The following ELAVL4 variants were observed in gnomAD, a reference collection of about 807,000 sequenced individuals.
The protein encoded by ELAVL4 is ELAV like RNA binding protein 4.
Under a neutral mutation model 35.6 loss-of-function variants are expected in ELAVL4, and 1 was observed. The observed-to-expected ratio is 0.03, with a 90% CI of 0.01 to 0.13. The LOEUF (loss-of-function observed/expected upper bound fraction) is 0.13, where lower values mean the gene tolerates loss of function less well. Ranked by LOEUF, ELAVL4 falls within the 10% of genes least tolerant of loss-of-function variation. ELAVL4 has a pLI of 1.00. For missense variants in ELAVL4, 267 were observed against 464.9 expected (o/e 0.57, Z 3.91); for synonymous variants, 156 against 171.0 (o/e 0.91, Z 0.69).
chr1:50,086,520 T>C (rs1169727582), intron 1 of ELAVL4, among the ~76,000 whole-genome samples: 1 of 151,202 alleles, frequency 6.6e-6, no homozygotes, highest in Non-Finnish European at 1.5e-5. Context: ...CTCTGCCTCC[T>C]GGAATAGTAT....
chr1:50,072,317 G>A (rs190278052), intron 1 of ELAVL4, among the ~76,000 whole-genome samples: 245 of 152,280 alleles, frequency 1.6e-3, no homozygotes, highest in Non-Finnish European at 2.9e-3. Context: ...AGACACTGTG[G>A]CCAAAAACTA....
intron 3 of ELAVL4, among the ~76,000 whole-genome samples, chr1:50,181,741 T>C (rs763463167): frequency 2.0e-5 from 3 of 152,202 alleles, no homozygotes; most frequent in Admixed American, 1.3e-4. Context: ...TGGAACGCAA[T>C]GGTGCGATCT....
At chr1:50,188,095 A>T (rs187386218) in intron 3 of ELAVL4, among the ~76,000 whole-genome samples, 30 of 149,162 alleles carry the variant, frequency 2.0e-4, no homozygotes, top group Admixed American at 6.0e-4. Flanking sequence ...ACTTGGTCTC[A>T]AAAAAAAAAA....
At chr1:50,111,820 C>G (rs1261747971) in intron 1 of ELAVL4, among the ~76,000 whole-genome samples, 3 of 152,054 alleles carry the variant, frequency 2.0e-5, no homozygotes, top group African/African-American at 7.2e-5. Context: ...CTAATAGTCT[C>G]TTTTTCTCAT....
At chr1:50,079,010 T>G (rs1664886899) in intron 1 of ELAVL4, among the ~76,000 whole-genome samples, 1 of 152,210 alleles carries the variant, frequency 6.6e-6, no homozygotes, top group African/African-American at 2.4e-5. Flanking sequence ...TTCTAGTTAT[T>G]ATCCATCTCT....
At chr1:50,156,415 C>G (rs1200337901) in intron 2 of ELAVL4, among the ~76,000 whole-genome samples, 1 of 152,122 alleles carries the variant, frequency 6.6e-6, no homozygotes, top group Admixed American at 6.5e-5. Flanking sequence ...AACTCCTAAC[C>G]ACTTCTCATC....
chr1:50,110,086 C>G, intron 1 of ELAVL4: 1 of 1,284,302 alleles, frequency 7.8e-7, no homozygotes, highest in South Asian at 1.3e-5. Context: ...CTGTGCTGAT[C>G]GTTTGTGTGT....
At chr1:50,118,878 G>C (rs957231105) in intron 1 of ELAVL4, among the ~76,000 whole-genome samples, 4 of 149,388 alleles carry the variant, frequency 2.7e-5, no homozygotes, top group African/African-American at 9.9e-5. Context: ...CTTAAAGTAG[G>C]GGAAGGGGTT....
intron 5 of ELAVL4, among the ~76,000 whole-genome samples, 178 bp downstream of exon 5, chr1:50,195,964 C>A (rs1050213044): frequency 1.3e-5 from 2 of 152,190 alleles, no homozygotes; most frequent in African/African-American, 4.8e-5. Context: ...ACAGTTGGAG[C>A]AGATGCCCTT....
intron 3 of ELAVL4, chr1:50,179,774 A>G (rs1056949194): frequency 1.3e-5 from 2 of 152,186 alleles, no homozygotes; most frequent in Non-Finnish European, 2.9e-5. Context: ...TCTACTTTAA[A>G]TGTTATGCAC....
chr1:50,163,624 G>A (rs1387032367), intron 2 of ELAVL4, among the ~76,000 whole-genome samples: 3 of 152,108 alleles, frequency 2.0e-5, no homozygotes, highest in African/African-American at 7.2e-5. Flanking sequence ...CCAGAAGTTC[G>A]AGACCAGCCT....
chr1:50,103,778 C>A, upstream of ELAVL4: 1 of 731,088 alleles, frequency 1.4e-6, no homozygotes, highest in Non-Finnish European at 2.2e-6. Context: ...ATGTGAGTGT[C>A]TGTTCACTCT....
chr1:50,166,678 T>C (rs1677983182), intron 2 of ELAVL4, among the ~76,000 whole-genome samples: 1 of 152,204 alleles, frequency 6.6e-6, no homozygotes, highest in Non-Finnish European at 1.5e-5. Context: ...TAGCTTCCCA[T>C]TGACCTTAAT....
chr1:50,140,756 GT>G (rs1672688386), intron 1 of ELAVL4, among the ~76,000 whole-genome samples: 1 of 152,140 alleles, frequency 6.6e-6, no homozygotes, highest in Admixed American at 6.5e-5. Flanking sequence ...CCATTTGTGT[GT>G]TTTCATCAGT....
At chr1:50,058,289 G>C (rs1352933646) in intron 1 of ELAVL4, among the ~76,000 whole-genome samples, 1 of 152,122 alleles carries the variant, frequency 6.6e-6, no homozygotes, top group Admixed American at 6.5e-5. Flanking sequence ...AACCAGTACT[G>C]TAAACACTGT....
intron 1 of ELAVL4, among the ~76,000 whole-genome samples, chr1:50,114,483 T>G: frequency 6.6e-6 from 1 of 151,068 alleles, no homozygotes. Context: ...AGGTGATCTG[T>G]GGGTGGGTGG....
upstream of ELAVL4, among the ~76,000 whole-genome samples, chr1:50,107,449 GTATGTT>G (rs1204260697): frequency 2.0e-5 from 3 of 152,130 alleles, no homozygotes; most frequent in African/African-American, 7.2e-5. Context: ...GAATATATAT[GTATGTT>G]TATATGTGTG....
intron 1 of ELAVL4, among the ~76,000 whole-genome samples, chr1:50,134,131 A>C (rs983510834): frequency 6.6e-6 from 1 of 152,174 alleles, no homozygotes; most frequent in African/African-American, 2.4e-5. Flanking sequence ...CATAAAACTT[A>C]ATTTCAGAGA....
chr1:50,109,109 T>C lies in ELAVL4; in HGVS notation c.-81T>C. The C allele has an allele frequency of 7.0e-6, 10 of 1,431,862 alleles. No individual in the cohort carries two copies. The highest frequency in any genetic ancestry group is 9.3e-6 in the Non-Finnish European group (10 of 1,077,294). 88.7% of individuals were successfully genotyped at this position (1,431,862 alleles called of 1,614,324 possible). Reference sequence around the variant, plus strand: ...TAATTATATATAACAATAGTAGTCATTTTAAATATATATTCTGAAATCTTT... The same window carrying C: ...TAATTATATATAACAATAGTAGTCACTTTAAATATATATTCTGAAATCTTT... On this transcript the variant is annotated 5_prime_UTR_variant, in exon 1 of 7. Transcript: ENST00000371824.
Sources: allele counts gnomAD v4.1 joint callset (sites outside exome capture counted in the v4.1 genomes callset), GRCh38; gene constraint gnomAD v4.1.1; transcripts MANE v1.5; gene names NCBI Gene and HGNC (gene_info 2026-07-23, HGNC 2026-07-21).